The following EPB41L4A variants were observed in gnomAD, a reference collection of about 807,000 sequenced individuals.
The protein encoded by EPB41L4A is erythrocyte membrane protein band 4.1 like 4A.
EPB41L4A carries 100 observed loss-of-function variants against 108.6 expected under a neutral mutation model. The observed-to-expected ratio is 0.92, with a 90% CI of 0.78 to 1.09. The LOEUF (loss-of-function observed/expected upper bound fraction) is 1.09, where lower values mean the gene tolerates loss of function less well. Among genes scored for constraint, EPB41L4A ranks in the 50% least tolerant of loss-of-function variants. The pLI is 0.00. For missense variants in EPB41L4A, 1,030 were observed against 842.7 expected (o/e 1.22, Z -2.75); for synonymous variants, 319 against 289.0 (o/e 1.10, Z -1.05).
At chr5:112,385,174 C>T (rs1004744253) in intron 1 of EPB41L4A, among the ~76,000 whole-genome samples, 9 of 152,118 alleles carry the variant, frequency 5.9e-5, no homozygotes, top group African/African-American at 2.2e-4. Flanking sequence ...ACCAAAAGGA[C>T]CAGAGGGAAA....
At chr5:112,305,184 CTT>C (rs1754607113) in intron 2 of EPB41L4A, among the ~76,000 whole-genome samples, 1 of 152,106 alleles carries the variant, frequency 6.6e-6, no homozygotes, top group Non-Finnish European at 1.5e-5. Flanking sequence ...GATGCTTAAC[CTT>C]CTTAGTTTGC....
At chr5:112,305,739 T>C (rs1754644446) in intron 2 of EPB41L4A, among the ~76,000 whole-genome samples, 1 of 152,146 alleles carries the variant, frequency 6.6e-6, no homozygotes, top group Admixed American at 6.6e-5. Context: ...AGTTTACCAT[T>C]AGAATATAAC....
At chr5:112,320,131 G>T (rs1755679748) in intron 1 of EPB41L4A, among the ~76,000 whole-genome samples, 1 of 152,142 alleles carries the variant, frequency 6.6e-6, no homozygotes, top group African/African-American at 2.4e-5. Flanking sequence ...GAAGTTCCGG[G>T]CCTTGCTCAT....
intron 4 of EPB41L4A, among the ~76,000 whole-genome samples, chr5:112,273,587 C>T (rs941922982): frequency 8.3e-4 from 126 of 152,236 alleles, no homozygotes; most frequent in African/African-American, 2.9e-3. Flanking sequence ...GTACGAGACA[C>T]GGACAATCAT....
At chr5:112,312,750 C>G (rs1755129047) in intron 1 of EPB41L4A, among the ~76,000 whole-genome samples, 1 of 152,192 alleles carries the variant, frequency 6.6e-6, no homozygotes, top group South Asian at 2.1e-4. Flanking sequence ...TTTGCCCAAT[C>G]AGTATTCCAT....
chr5:112,243,686 C>T (rs552342880), intron 9 of EPB41L4A, among the ~76,000 whole-genome samples: 3 of 152,262 alleles, frequency 2.0e-5, no homozygotes, highest in Non-Finnish European at 4.4e-5. Context: ...GCTGCTTCAC[C>T]TTGTACTTTT....
intron 1 of EPB41L4A, among the ~76,000 whole-genome samples, chr5:112,343,179 C>T (rs1275507597): frequency 1.3e-5 from 2 of 152,170 alleles, no homozygotes; most frequent in Admixed American, 1.3e-4. Context: ...TGATTCCATT[C>T]TCCCAACAGC....
intron 18 of EPB41L4A, among the ~76,000 whole-genome samples, chr5:112,174,187 C>T (rs1760747242): frequency 6.6e-6 from 1 of 152,208 alleles, no homozygotes; most frequent in Admixed American, 6.5e-5. Context: ...TCACAAATGT[C>T]AACACAAGCT....
chr5:112,248,909 C>A (rs1333322921), intron 9 of EPB41L4A, among the ~76,000 whole-genome samples: 2 of 152,212 alleles, frequency 1.3e-5, no homozygotes, highest in Non-Finnish European at 2.9e-5. Context: ...AGGCTCCTCC[C>A]TGTTTTTGTT....
intron 1 of EPB41L4A, among the ~76,000 whole-genome samples, chr5:112,326,851 C>A (rs1756195627): frequency 6.6e-6 from 1 of 152,134 alleles, no homozygotes; most frequent in South Asian, 2.1e-4. Context: ...TCATAGGCAG[C>A]AGAGCAATAA....
intron 18 of EPB41L4A, among the ~76,000 whole-genome samples, chr5:112,177,732 A>G (rs1428197219): frequency 1.3e-5 from 2 of 152,232 alleles, no homozygotes; most frequent in Non-Finnish European, 2.9e-5. Flanking sequence ...TTTAAATGTT[A>G]CAATATTCAT....
intron 4 of EPB41L4A, among the ~76,000 whole-genome samples, chr5:112,275,009 A>G (rs1752525725): frequency 6.6e-6 from 1 of 152,212 alleles, no homozygotes. Flanking sequence ...TCCTTCCTTT[A>G]GGCAGTTCAA....
At chr5:112,355,395 T>G (rs1758301643) in intron 1 of EPB41L4A, among the ~76,000 whole-genome samples, 1 of 152,236 alleles carries the variant, frequency 6.6e-6, no homozygotes, top group Non-Finnish European at 1.5e-5. Flanking sequence ...CTAAAGATCC[T>G]TCTCATGAGA....
rs5870486 is a variant in EPB41L4A, at chr5:112,164,831, C to CAAAAAAAAAAAAAAA, written c.*144_*158dup. 2.1e-6 allele frequency: 1 copy of CAAAAAAAAAAAAAAA among 468,202 alleles called. No homozygotes were observed. 29.0% of individuals were successfully genotyped at this position (468,202 alleles called of 1,614,324 possible). The stretch of plus-strand genomic sequence containing the variant: ...CCTGGGCGACAGAGTGATAACATCT[C>CAAAAAAAAAAAAAAA]AAAAAAAAAAAAAAAAAGAAGCAAA... On this transcript the variant is annotated 3_prime_UTR_variant, in exon 23 of 23. Transcript: ENST00000261486.
chr5:112,268,807 C>T (rs62364134), intron 4 of EPB41L4A, among the ~76,000 whole-genome samples: 53,495 of 138,666 alleles, frequency 0.39, 11,173 homozygotes, highest in South Asian at 0.65. Context: ...TGCACCACTG[C>T]ACTCCAGCCT....
Position 112,204,379 on chromosome 5 carries a change from T to C in EPB41L4A, c.1372A>G (p.Arg458Gly), listed in dbSNP as rs767123587. The C allele has an allele frequency of 1.1e-5, 18 of 1,609,018 alleles. No individual in the cohort carries two copies. Among genetic ancestry groups the C allele is most frequent in the Non-Finnish European group, 1.4e-5 (17 of 1,175,506 alleles). The change falls in exon 15 of 23, where the codon AGG becomes GGG. Residue 458 changes from arginine to glycine, a missense_variant. Coordinates refer to ENST00000261486, the MANE Select transcript of EPB41L4A (RefSeq NM_022140.5). ...SDNDSVQPVR[R>G]RKAHNSGEDS... is the part of the protein sequence containing the mutation. ...GAGAGATTGTGTTCCGCTTACCTCC[T>C]CCTCACAGGCTGTACAGAATCATTG...
chr5:112,392,085 G>A (rs1321106847), intron 1 of EPB41L4A, among the ~76,000 whole-genome samples: 1 of 152,066 alleles, frequency 6.6e-6, no homozygotes, highest in East Asian at 1.9e-4. Flanking sequence ...CACTAAACAT[G>A]GAAAGGAACA....
chr5:112,265,993 G>T (rs11241158), intron 5 of EPB41L4A, among the ~76,000 whole-genome samples: 45,818 of 152,018 alleles, frequency 0.3, 7,026 homozygotes, highest in African/African-American at 0.35. Flanking sequence ...ACTTAATCAA[G>T]AATCAATGCT....
chr5:112,346,395 T>G (rs969700882), intron 1 of EPB41L4A, among the ~76,000 whole-genome samples: 1 of 151,806 alleles, frequency 6.6e-6, no homozygotes, highest in African/African-American at 2.4e-5. Context: ...GGCTAATTTT[T>G]GTATTTTTAG....
Sources: allele counts gnomAD v4.1 joint callset (sites outside exome capture counted in the v4.1 genomes callset), GRCh38; gene constraint gnomAD v4.1.1; transcripts MANE v1.5; gene names NCBI Gene and HGNC (gene_info 2026-07-23, HGNC 2026-07-21).